Variants in MAML3 observed in about 807,000 individuals in gnomAD.
MAML3 encodes the protein mastermind like transcriptional coactivator 3, also known as mastermind-like protein 3.
A neutral mutation model predicts 101.9 loss-of-function variants in MAML3; 27 were observed. The observed-to-expected ratio is 0.27, with a 90% CI of 0.20 to 0.37. The LOEUF (loss-of-function observed/expected upper bound fraction) is 0.37. Among genes scored for constraint, MAML3 ranks in the 10% least tolerant of loss-of-function variants. The probability of loss-of-function intolerance (pLI) is 1.00; values close to 1 mark genes in which losing one functional copy is unlikely to be tolerated. For missense variants in MAML3, 1,316 were observed against 1,444.9 expected, an observed-to-expected ratio of 0.91 and a Z score of 1.45; for synonymous variants, 501 against 555.9, an observed-to-expected ratio of 0.90 and a Z score of 1.39.
At chr4:140,149,457 T>C (rs1438447762) in intron 1 of MAML3, among the ~76,000 whole-genome samples, 1 of 152,236 alleles carries the variant, frequency 6.6e-6, no homozygotes, top group Non-Finnish European at 1.5e-5. Context: ...TTTTTGTTGT[T>C]GTTTTTCATG....
intron 1 of MAML3, among the ~76,000 whole-genome samples, chr4:140,152,345 G>C (rs1419973550): frequency 6.6e-6 from 1 of 152,162 alleles, no homozygotes; most frequent in African/African-American, 2.4e-5. Context: ...TTCCCCCCTA[G>C]GGGTTGAGGG....
At chr4:139,797,276 G>C (rs753075349) in intron 2 of MAML3, among the ~76,000 whole-genome samples, 1 of 152,180 alleles carries the variant, frequency 6.6e-6, no homozygotes, top group Non-Finnish European at 1.5e-5. Flanking sequence ...GAGTGATCCT[G>C]ACCATCTGAG....
At chr4:139,790,396 A>G (rs1188647067) in intron 2 of MAML3, among the ~76,000 whole-genome samples, 1 of 151,470 alleles carries the variant, frequency 6.6e-6, no homozygotes, top group Non-Finnish European at 1.5e-5. Flanking sequence ...TGTAGAAAAC[A>G]TACATAACAT....
chr4:140,069,881 C>T (rs944388403), intron 1 of MAML3, among the ~76,000 whole-genome samples: 5 of 151,458 alleles, frequency 3.3e-5, no homozygotes, highest in African/African-American at 7.3e-5. Context: ...TTTGGGAGGC[C>T]GAGGCTGGCG....
intron 1 of MAML3, among the ~76,000 whole-genome samples, chr4:139,948,507 A>T (rs1046304042): frequency 6.6e-6 from 1 of 152,212 alleles, no homozygotes; most frequent in Non-Finnish European, 1.5e-5. Context: ...ATTCTCCATG[A>T]CACTATTAAC....
chr4:140,000,926 G>C (rs1393332746), intron 1 of MAML3, among the ~76,000 whole-genome samples: 1 of 36,642 alleles, frequency 2.7e-5, no homozygotes, highest in East Asian at 1.6e-3. Flanking sequence ...ACTTGGGAAG[G>C]CTGAGGCAGG....
chr4:139,880,191 A>C (rs1025035007), intron 2 of MAML3, among the ~76,000 whole-genome samples: 4 of 151,810 alleles, frequency 2.6e-5, no homozygotes, highest in Non-Finnish European at 4.4e-5. Context: ...AAAAAAAAAA[A>C]CAAACAAAAA....
At chr4:139,972,372 G>T (rs1032180133) in intron 1 of MAML3, among the ~76,000 whole-genome samples, 1 of 152,168 alleles carries the variant, frequency 6.6e-6, no homozygotes, top group African/African-American at 2.4e-5. Context: ...AAATGTCCTT[G>T]AAGTTCAACT....
chr4:139,876,958 C>T (rs960152516), intron 2 of MAML3, among the ~76,000 whole-genome samples: 2 of 152,152 alleles, frequency 1.3e-5, no homozygotes, highest in Non-Finnish European at 1.5e-5. Context: ...TGGCCAGAGC[C>T]CAGTGCAGAA....
intron 1 of MAML3, among the ~76,000 whole-genome samples, chr4:140,090,650 C>T (rs183444783): frequency 9.2e-5 from 14 of 152,334 alleles, no homozygotes; most frequent in East Asian, 7.7e-4. Context: ...TACCACAAAG[C>T]TAAAGCTGCC....
chr4:140,016,452 CAA>C (rs1726643635), intron 1 of MAML3, among the ~76,000 whole-genome samples: 1 of 151,840 alleles, frequency 6.6e-6, no homozygotes, highest in African/African-American at 2.4e-5. Flanking sequence ...TGTGAAAATG[CAA>C]AGAGACTGAT....
Position 139,890,101 on chromosome 4 carries a change from C to G in MAML3, c.1335G>C (p.Val445=). Residue 445 remains valine, a synonymous_variant, in exon 2 of 5, where the codon GTG becomes GTC. Coordinates refer to ENST00000509479, the MANE Select transcript of MAML3 (RefSeq NM_018717.5). The surrounding 1 kb of genome is among the most constrained non-coding windows in gnomAD (Gnocchi z 4.1). ...GCCCTGACGCTGAACCGGCCACTGT[C>G]ACTGCTGCCGGATTCAGGAGATAAC... The part of the protein sequence containing the change: ...GNGYLLNPAA[V]TVAGSASGPV... 1 of 1,613,758 alleles carries G rather than the reference C, an allele frequency of 6.2e-7. No individual in the cohort carries two copies. The highest frequency in any genetic ancestry group is 8.5e-7 in the Non-Finnish European group (1 of 1,179,772).
intron 1 of MAML3, among the ~76,000 whole-genome samples, chr4:140,045,596 A>T (rs973014917): frequency 2.6e-5 from 4 of 152,128 alleles, no homozygotes; most frequent in Non-Finnish European, 5.9e-5. Flanking sequence ...CTGTGGTTGG[A>T]CATCTATGCT....
chr4:139,947,378 C>T (rs181511442), intron 1 of MAML3, among the ~76,000 whole-genome samples: 8 of 152,288 alleles, frequency 5.3e-5, no homozygotes, highest in East Asian at 1.9e-4. Flanking sequence ...CCCTGATCGC[C>T]TCCAGAGATG....
chr4:139,951,262 T>G (rs560603618), intron 1 of MAML3, among the ~76,000 whole-genome samples: 1 of 152,338 alleles, frequency 6.6e-6, no homozygotes, highest in Admixed American at 6.5e-5. Context: ...TGTGGCTTCT[T>G]CAGTAGCAGC....
chr4:139,804,397 G>A (rs1214113636), intron 2 of MAML3, among the ~76,000 whole-genome samples: 2 of 151,938 alleles, frequency 1.3e-5, no homozygotes, highest in Non-Finnish European at 2.9e-5. Flanking sequence ...CTCCAGAGTA[G>A]CTGAGATTAC....
chr4:139,866,752 C>A (rs748132470), intron 2 of MAML3, among the ~76,000 whole-genome samples: 1 of 152,120 alleles, frequency 6.6e-6, no homozygotes, highest in Non-Finnish European at 1.5e-5. Flanking sequence ...GGGGAGCAGT[C>A]GGCAATTCCA....
At chr4:139,727,393 A>G (rs1423046464) in intron 3 of MAML3, among the ~76,000 whole-genome samples, 3 of 152,236 alleles carry the variant, frequency 2.0e-5, no homozygotes, top group Non-Finnish European at 4.4e-5. Context: ...CAAACTTCCC[A>G]TATAATATAA....
chr4:139,889,039 C>T (rs553933938), intron 2 of MAML3: 33 of 456,472 alleles, frequency 7.2e-5, no homozygotes, highest in African/African-American at 5.3e-4. Context: ...GAGGTAGTGC[C>T]GTGTTTGGTG....
Sources: allele counts gnomAD v4.1 joint callset (sites outside exome capture counted in the v4.1 genomes callset), GRCh38; gene constraint gnomAD v4.1.1; non-coding constraint Gnocchi (gnomAD v3.1); transcripts MANE v1.5; gene names NCBI Gene and HGNC (gene_info 2026-07-23, HGNC 2026-07-21).